PKP1: variants seen among roughly 807,000 people sequenced by gnomAD.
The protein encoded by PKP1 is plakophilin 1.
In PKP1, 27 loss-of-function variants were observed where a neutral mutation model predicts 76.4. That is an observed-to-expected ratio of 0.35 (90% CI 0.26 to 0.49). The LOEUF (loss-of-function observed/expected upper bound fraction) is 0.49. Ranked by LOEUF, PKP1 falls within the 20% of genes least tolerant of loss-of-function variation. The probability of loss-of-function intolerance (pLI) is 0.99; values close to 1 mark genes in which losing one functional copy is unlikely to be tolerated. For missense variants in PKP1, 964 were observed against 955.2 expected (o/e 1.01, Z -0.12); for synonymous variants, 404 against 384.2 (o/e 1.05, Z -0.60).
intron 1 of PKP1, 108 bp from the exon 2 acceptor site, chr1:201,293,833 GT>G (rs1655996208): frequency 1.3e-6 from 1 of 747,670 alleles, no homozygotes; most frequent in African/African-American, 1.7e-5. Flanking sequence ...CTCAGACCTG[GT>G]CTCCTCCATG....
Position 201,316,857 on chromosome 1 carries a change from A to G in PKP1, c.846+160A>G, listed in dbSNP as rs79130274. Among the ~76,000 whole-genome samples, 2,231 of 152,288 alleles carry G rather than the reference A, an allele frequency of 0.015. 46 individuals carry two copies. The highest frequency in any genetic ancestry group is 0.048 in the African/African-American group (2,001 of 41,556). On this transcript the variant is annotated intron_variant, in intron 4 of 13. Coordinates refer to ENST00000367324, the MANE Select transcript of PKP1 (RefSeq NM_001005337.3). ...GCATTGCCCAAGGTTAGAGCTGGGCATCTTAACTTTCTGCAGAGCAAAGCC... is the reference window on the plus strand; with the variant it reads ...GCATTGCCCAAGGTTAGAGCTGGGCGTCTTAACTTTCTGCAGAGCAAAGCC...
chr1:201,313,422 G>C lies in PKP1; in HGVS notation c.563G>C (p.Ser188Thr). The change falls in exon 3 of 14, where the codon AGC becomes ACC. Residue 188 changes from serine (S) to threonine (T), a missense_variant. By Grantham distance (58) the Ser-to-Thr change is moderately conservative (BLOSUM62 1). Coordinates refer to ENST00000367324, the MANE Select transcript of PKP1 (RefSeq NM_001005337.3). Reference protein sequence around the residue: ...KTTQNRYSFYSTCSGQKAIKK... With the variant: ...KTTQNRYSFYTTCSGQKAIKK... ...ACCCAGAACCGCTACAGCTTTTACA[G>C]CACCTGCAGTGGTCAGAAGGCCATA... 1.3e-6 allele frequency: 2 copies of C among 1,596,064 alleles called. No individual in the cohort carries two copies. Among genetic ancestry groups the C allele is most frequent in the Non-Finnish European group, 1.7e-6 (2 of 1,171,388 alleles).
At chr1:201,320,205 C>T (rs1244390922) in intron 6 of PKP1, 62 bp from the exon 7 acceptor site, 1 of 1,063,722 alleles carries the variant, frequency 9.4e-7, no homozygotes, top group Non-Finnish European at 1.4e-6. Flanking sequence ...TCTCTTGTCC[C>T]CACCTTCCCC....
chr1:201,297,761 C>T (rs921536159), intron 2 of PKP1, among the ~76,000 whole-genome samples: 2 of 152,128 alleles, frequency 1.3e-5, no homozygotes, highest in African/African-American at 4.8e-5. Flanking sequence ...GAGTCTGAAT[C>T]CCTCCATTTC....
rs142615612 is a variant in PKP1, at chr1:201,325,824, G to T, written c.2092G>T (p.Gly698Cys). ...SDMWSSKELQ[G>C]VLRQQGFDRN... Reference sequence around the variant, plus strand: ...CATGTGGTCCAGCAAGGAACTGCAGGGTGTCCTCAGACAGGTAAGAGCCCA... The same window carrying T: ...CATGTGGTCCAGCAAGGAACTGCAGTGTGTCCTCAGACAGGTAAGAGCCCA... Residue 698 changes from glycine to cysteine, a missense_variant, in exon 12 of 14, where the codon GGT (glycine) becomes TGT (cysteine). Physicochemically the swap from Gly to Cys is radical, Grantham distance 159. Transcript: ENST00000367324. The T allele has an allele frequency of 1.2e-5, 19 of 1,613,636 alleles. No individual in the cohort carries two copies. The highest frequency in any genetic ancestry group is 1.6e-5 in the Non-Finnish European group (19 of 1,179,626).
At chr1:201,301,447 G>A (rs1049198506) in intron 2 of PKP1, among the ~76,000 whole-genome samples, 1 of 152,094 alleles carries the variant, frequency 6.6e-6, no homozygotes, top group African/African-American at 2.4e-5. Flanking sequence ...CATTCATGTT[G>A]TGTAGAGCTC....
intron 2 of PKP1, among the ~76,000 whole-genome samples, chr1:201,302,262 G>T (rs765107775): frequency 1.3e-5 from 2 of 152,184 alleles, no homozygotes; most frequent in African/African-American, 4.8e-5. Flanking sequence ...CCACAGAAAA[G>T]TGTAGGGGCT....
At position 201,325,122 on chromosome 1, in the gene PKP1, A is replaced by G. The variant is rs949342720; in HGVS notation, c.2016A>G (p.Arg672=). ...SMLNNIINLC[R]SSASPKAAEA... is the part of the protein sequence containing the mutation. ...TCAACAACATCATCAACCTGTGCCG[A>G]AGCAGGTGGGCGGGGGGTTGCTCCC... Residue 672 remains arginine (R), a synonymous_variant, in exon 11 of 14, where the codon CGA becomes CGG. Transcript: ENST00000367324. 6.2e-7 allele frequency: 1 copy of G among 1,613,570 alleles called. No individual in the cohort carries two copies. Among genetic ancestry groups the G allele is most frequent in the Non-Finnish European group, 8.5e-7 (1 of 1,179,968 alleles).
chr1:201,305,741 G>T (rs989655826), intron 2 of PKP1, among the ~76,000 whole-genome samples: 5 of 152,246 alleles, frequency 3.3e-5, no homozygotes, highest in Admixed American at 2.0e-4. Flanking sequence ...AGGGTGGGGG[G>T]CATCTGGCCC....
rs370789305 is a variant in PKP1, at chr1:201,322,071, C to T, written c.1441C>T (p.Arg481Cys). The T allele has an allele frequency of 8.1e-6, 13 of 1,613,378 alleles. No individual in the cohort carries two copies. Among genetic ancestry groups the T allele is most frequent in the Admixed American group, 1.7e-5 (1 of 59,988 alleles). ...TRYRQLEYNA[R>C]NAYTEKSSTG... is the part of the protein sequence containing the mutation. The stretch of plus-strand genomic sequence containing the variant: ...CTACCGCCAGCTGGAGTATAACGCC[C>T]GCAACGCCTACACCGAGAAGTCCTC... The change falls in exon 8 of 14, where the codon CGC becomes TGC. Residue 481 changes from arginine (R) to cysteine (C), a missense_variant. Coordinates refer to ENST00000367324, the MANE Select transcript of PKP1 (RefSeq NM_001005337.3).
Position 201,314,241 on chromosome 1 carries a change from G to A in PKP1, c.701+681G>A, listed in dbSNP as rs569694393. On this transcript the variant is annotated intron_variant, in intron 3 of 13. Coordinates refer to ENST00000367324, the MANE Select transcript of PKP1 (RefSeq NM_001005337.3). ...GCCGAGGCAGGAGCGGGTAGAGGGTGCTTGAGCTCAGGAGTTTGAGACCAG... is the reference window on the plus strand; with the variant it reads ...GCCGAGGCAGGAGCGGGTAGAGGGTACTTGAGCTCAGGAGTTTGAGACCAG... Among the ~76,000 whole-genome samples the A allele has an allele frequency of 3.4e-4, 51 of 152,220 alleles. 1 individual carries two copies. In the East Asian group the frequency reaches 9.5e-3, roughly 28 times the overall value.
intron 2 of PKP1, among the ~76,000 whole-genome samples, chr1:201,305,992 T>C (rs982412057): frequency 6.6e-6 from 1 of 152,158 alleles, no homozygotes; most frequent in Non-Finnish European, 1.5e-5. Flanking sequence ...GGAAGGGAGA[T>C]GGCTGAGGGC....
intron 2 of PKP1, among the ~76,000 whole-genome samples, chr1:201,299,338 G>A (rs1002627336): frequency 2.0e-5 from 3 of 152,208 alleles, no homozygotes; most frequent in African/African-American, 7.2e-5. Context: ...GTCTCAAAGA[G>A]CAGTATGAAG....
At chr1:201,304,172 G>A (rs533555643) in intron 2 of PKP1, among the ~76,000 whole-genome samples, 1 of 152,324 alleles carries the variant, frequency 6.6e-6, no homozygotes, top group East Asian at 1.9e-4. Flanking sequence ...GCTGGGATCT[G>A]AGTTGGGGTG....
intron 12 of PKP1, chr1:201,328,523 G>C: frequency 1.7e-6 from 1 of 582,674 alleles, no homozygotes; most frequent in Non-Finnish European, 3.1e-6. Flanking sequence ...TTCTGCAAAT[G>C]CAAGTAGGAA....
chr1:201,325,720 T>C, intron 11 of PKP1, 34 bp from the exon 12 acceptor site: 1 of 1,534,030 alleles, frequency 6.5e-7, no homozygotes. Flanking sequence ...CCTCCTGGAA[T>C]CTCATCTCAC....
At chr1:201,297,289 C>A (rs1203636175) in intron 2 of PKP1, among the ~76,000 whole-genome samples, 1 of 152,154 alleles carries the variant, frequency 6.6e-6, no homozygotes, top group African/African-American at 2.4e-5. Flanking sequence ...CTGGCCACCC[C>A]AGCCTCCTCC....
chr1:201,294,483 T>C (rs935097922), intron 2 of PKP1, among the ~76,000 whole-genome samples: 5 of 152,220 alleles, frequency 3.3e-5, no homozygotes, highest in African/African-American at 1.2e-4. Flanking sequence ...CTCCTGCATA[T>C]GACACTGCAT....
intron 1 of PKP1, among the ~76,000 whole-genome samples, chr1:201,290,799 A>C (rs1655894380): frequency 6.6e-6 from 1 of 152,232 alleles, no homozygotes; most frequent in South Asian, 2.1e-4. Flanking sequence ...GAGAGTGTCC[A>C]AAGTACATGG....
Sources: allele counts gnomAD v4.1 joint callset (sites outside exome capture counted in the v4.1 genomes callset), GRCh38; gene constraint gnomAD v4.1.1; transcripts MANE v1.5; gene names NCBI Gene and HGNC (gene_info 2026-07-23, HGNC 2026-07-21).